FARP2: variants seen among roughly 807,000 people sequenced by gnomAD.
FARP2 encodes FERM, ARH/RhoGEF and pleckstrin domain protein 2.
A neutral mutation model predicts 130.5 loss-of-function variants in FARP2; 111 were observed. That is an observed-to-expected ratio of 0.85 (90% CI 0.73 to 1.00). The LOEUF (loss-of-function observed/expected upper bound fraction) is 1.00. Ranked by LOEUF, FARP2 falls within the 50% of genes least tolerant of loss-of-function variation. The pLI is 0.00. For synonymous variants in FARP2, 504 were observed against 516.9 expected (o/e 0.98, Z 0.34); for missense variants, 1,385 against 1,346.3 (o/e 1.03, Z -0.45).
At chr2:241,487,849 G>A (rs535801601) in intron 21 of FARP2, among the ~76,000 whole-genome samples, 3 of 143,044 alleles carry the variant, frequency 2.1e-5, no homozygotes, top group South Asian at 2.3e-4. Flanking sequence ...CCGGGTTCAC[G>A]CCATTCTCCT....
intron 26 of FARP2, 68 bp downstream of exon 26, chr2:241,493,512 CATG>C (rs1165312724): frequency 8.1e-5 from 123 of 1,510,476 alleles, no homozygotes; most frequent in East Asian, 2.5e-4. Flanking sequence ...CATTTCTACT[CATG>C]GTGGTGGAGG....
At position 241,493,318 on chromosome 2, in the gene FARP2, C is replaced by T. The variant is rs553320289; in HGVS notation, c.2921C>T (p.Pro974Leu). The change falls in exon 26 of 27, where the codon CCG becomes CTG. Residue 974 changes from proline to leucine, a missense_variant. Physicochemically the swap from Pro to Leu is moderately conservative, Grantham distance 98. Coordinates refer to ENST00000264042, the MANE Select transcript of FARP2 (RefSeq NM_014808.4). ...GATGACTACCCACTGGCCAGCCTCCCGCTGCTGGGCTACAGCGTGAGCATC... is the reference window on the plus strand; with the variant it reads ...GATGACTACCCACTGGCCAGCCTCCTGCTGCTGGGCTACAGCGTGAGCATC... ...HQDDYPLASL[P>L]LLGYSVSIPR... 9.9e-6 allele frequency: 16 copies of T among 1,613,830 alleles called. No individual in the cohort carries two copies. The highest frequency in any genetic ancestry group is 6.7e-5 in the Admixed American group (4 of 59,996).
At chr2:241,449,619 T>G (rs1574845798) in intron 13 of FARP2, among the ~76,000 whole-genome samples, 1 of 152,162 alleles carries the variant, frequency 6.6e-6, no homozygotes, top group East Asian at 1.9e-4. Context: ...AAAGTTTAAT[T>G]AACATTGTGA....
chr2:241,462,748 G>A, intron 15 of FARP2, 136 bp downstream of exon 15: 2 of 634,386 alleles, frequency 3.2e-6, no homozygotes, highest in Non-Finnish European at 2.8e-6. Context: ...GGAGTGCGGT[G>A]GCATGATCTC....
intron 8 of FARP2, among the ~76,000 whole-genome samples, chr2:241,420,329 G>A (rs2062774627): frequency 1.3e-5 from 2 of 152,142 alleles, no homozygotes; most frequent in South Asian, 4.1e-4. Context: ...GCTACTGCTT[G>A]TGGGGAAAAG....
intron 17 of FARP2, among the ~76,000 whole-genome samples, chr2:241,466,947 T>TAAA (rs111497599): frequency 0.11 from 16,486 of 145,126 alleles, 1,146 homozygotes; most frequent in Non-Finnish European, 0.16. Flanking sequence ...AGTGTTTTGT[T>TAAA]AAAAAAAAAA....
intron 19 of FARP2, among the ~76,000 whole-genome samples, chr2:241,480,881 T>TC (rs2064597500): frequency 6.6e-6 from 1 of 152,076 alleles, no homozygotes; most frequent in Non-Finnish European, 1.5e-5. Flanking sequence ...GGTCCAGTTT[T>TC]CCCGGCAGCA....
intron 2 of FARP2, among the ~76,000 whole-genome samples, chr2:241,374,907 G>A (rs1213564646): frequency 1.3e-5 from 2 of 152,154 alleles, no homozygotes; most frequent in Admixed American, 6.6e-5. Context: ...TGACTTTCCT[G>A]TAGGAAATAG....
At chr2:241,406,670 C>T (rs778927220) in intron 4 of FARP2, among the ~76,000 whole-genome samples, 6 of 151,998 alleles carry the variant, frequency 3.9e-5, no homozygotes, top group Admixed American at 6.6e-5. Context: ...CACCATGTTG[C>T]GCAGGCTGGT....
rs138490464 is a variant in FARP2, at chr2:241,463,974, G to T, written c.1887G>T (p.Gln629His). Residue 629 changes from glutamine to histidine, a missense_variant, in exon 17 of 27, where the codon CAG (glutamine) becomes CAT (histidine). Gln to His is a conservative substitution (Grantham distance 24). Coordinates refer to ENST00000264042, the MANE Select transcript of FARP2 (RefSeq NM_014808.4). ...IGDILLRNMR[Q>H]LKEFTSYFQR... The stretch of plus-strand genomic sequence containing the variant: ...ACATCCTGCTCAGGAACATGCGCCA[G>T]TTAAAGGTAGGCTGCATGGTGACTA... The T allele has an allele frequency of 6.2e-7, 1 of 1,613,658 alleles. No homozygotes were observed. The highest frequency in any genetic ancestry group is 1.7e-4 in the Middle Eastern group (1 of 6,060).
rs1559702210 is a variant in FARP2, at chr2:241,366,127, A to ATATATACATATATATATATACG, written c.-24-6951_-24-6950insCATATATATATATACGTATATA. Reference sequence around the variant, plus strand: ...AAAATATATATATATATATACGTATATATATATATATACACACACACATAT... The same window carrying ATATATACATATATATATATACG: ...AAAATATATATATATATATACGTATATATATACATATATATATATACGTATATATATATACACACACACATAT... On this transcript the variant is annotated intron_variant, in intron 1 of 26. Transcript: ENST00000264042. 5.9e-5 allele frequency among the ~76,000 whole-genome samples: 8 copies of ATATATACATATATATATATACG among 136,482 alleles called. 1 individual carries two copies. Among genetic ancestry groups the ATATATACATATATATATATACG allele is most frequent in the African/African-American group, 2.2e-4 (8 of 35,636 alleles). The allele number at this position is 136,482 out of a possible 152,430, so 89.5% of individuals were successfully genotyped here.
At chr2:241,448,503 A>G (rs779659343) in intron 13 of FARP2, among the ~76,000 whole-genome samples, 11 of 152,216 alleles carry the variant, frequency 7.2e-5, no homozygotes, top group Non-Finnish European at 1.5e-4. Context: ...CATTGTTCCA[A>G]TAGAAAGATT....
intron 8 of FARP2, among the ~76,000 whole-genome samples, chr2:241,421,080 A>G (rs769518142): frequency 6.6e-6 from 1 of 152,186 alleles, no homozygotes; most frequent in Non-Finnish European, 1.5e-5. Flanking sequence ...ATGGAGCCAA[A>G]GGAACCCCCA....
At position 241,491,058 on chromosome 2, in the gene FARP2, C is replaced by T. The variant is rs2064883930; in HGVS notation, c.2505-3C>T. 5 of 1,610,068 alleles carry T rather than the reference C, an allele frequency of 3.1e-6. No homozygotes were observed. The East Asian group carries it at 8.9e-5, about 29-fold the overall frequency. On this transcript the variant is annotated splice_region_variant and splice_polypyrimidine_tract_variant and intron_variant, in intron 22 of 26. Transcript: ENST00000264042. ...CCACTGAGCCTTGCCCTTCTCCCTG[C>T]AGCACTCGGCTGGAGAAAGAGAAGT...
chr2:241,356,583 G>A (rs1356953791), intron 1 of FARP2, among the ~76,000 whole-genome samples, 195 bp downstream of exon 1: 2 of 152,346 alleles, frequency 1.3e-5, no homozygotes, highest in East Asian at 3.9e-4. Flanking sequence ...GGTTAGAGGA[G>A]CGTCCGTCTG....
chr2:241,493,507 C>A (rs1391939786), intron 26 of FARP2, 63 bp downstream of exon 26: 2 of 1,531,908 alleles, frequency 1.3e-6, no homozygotes, highest in Non-Finnish European at 1.8e-6. Context: ...GCTCCCATTT[C>A]TACTCATGGT....
chr2:241,488,913 G>T (rs935799616), intron 21 of FARP2: 1 of 152,154 alleles, frequency 6.6e-6, no homozygotes, highest in Non-Finnish European at 1.5e-5. Flanking sequence ...TCACTGTTTG[G>T]TGAACACATT....
chr2:241,492,749 T>TTTTA, intron 24 of FARP2, 180 bp from the exon 25 acceptor site: 2 of 559,316 alleles, frequency 3.6e-6, no homozygotes, highest in Non-Finnish European at 3.2e-6. Context: ...CACTCTAGGT[T>TTTTA]TTTAACATGC....
At chr2:241,477,530 C>A (rs1032047883) in intron 19 of FARP2, among the ~76,000 whole-genome samples, 6 of 152,184 alleles carry the variant, frequency 3.9e-5, no homozygotes, top group Non-Finnish European at 7.3e-5. Context: ...TTGGCTGTTA[C>A]GAATAGTGCT....
Sources: allele counts gnomAD v4.1 joint callset (sites outside exome capture counted in the v4.1 genomes callset), GRCh38; gene constraint gnomAD v4.1.1; transcripts MANE v1.5; gene names NCBI Gene and HGNC (gene_info 2026-07-23, HGNC 2026-07-21).